The following CHMP6 variants were observed in gnomAD, a reference collection of about 807,000 sequenced individuals.
The protein encoded by CHMP6 is charged multivesicular body protein 6.
A neutral mutation model predicts 32.8 loss-of-function variants in CHMP6; 10 were observed. That is an observed-to-expected ratio of 0.30 (90% CI 0.19 to 0.52). CHMP6 has a LOEUF of 0.52. Ranked by LOEUF, CHMP6 falls within the 20% of genes least tolerant of loss-of-function variation. CHMP6 has a pLI of 0.97. For missense variants in CHMP6, 269 were observed against 263.8 expected (o/e 1.02, Z -0.14); for synonymous variants, 123 against 105.8 (o/e 1.16, Z -1.00).
chr17:80,995,798 G>C, intron 4 of CHMP6, 40 bp downstream of exon 4: 1 of 1,581,960 alleles, frequency 6.3e-7, no homozygotes, highest in Non-Finnish European at 8.7e-7. Context: ...GGTGTGGGGA[G>C]CCCATTGGGC....
chr17:80,998,029 C>T (rs1312309251), intron 6 of CHMP6, among the ~76,000 whole-genome samples: 1 of 152,236 alleles, frequency 6.6e-6, no homozygotes, highest in African/African-American at 2.4e-5. Context: ...TGGTGGACAC[C>T]AGCGTGACCT....
chr17:80,992,102 C>T (rs2069597295), intron 1 of CHMP6, 121 bp downstream of exon 1: 3 of 607,152 alleles, frequency 4.9e-6, no homozygotes, highest in Non-Finnish European at 7.0e-6. Flanking sequence ...GAAACTGAGG[C>T]GCAGCGCGCA....
chr17:80,998,245 T>C (rs527781286), intron 6 of CHMP6, 121 bp from the exon 7 acceptor site: 1 of 1,168,378 alleles, frequency 8.6e-7, no homozygotes, highest in East Asian at 2.4e-5. Context: ...AGCACGTTCC[T>C]GTCCGCTTTA....
At chr17:80,996,698 T>C (rs2069640147) in intron 4 of CHMP6, among the ~76,000 whole-genome samples, 2 of 152,198 alleles carry the variant, frequency 1.3e-5, no homozygotes, top group Admixed American at 1.3e-4. Context: ...GGCAGTGCAG[T>C]CGTGGCCTCT....
rs544050920 is a variant in CHMP6 at position 80,999,178 on chromosome 17, C to T, written c.*25C>T. The T allele has an allele frequency of 2.0e-5, 33 of 1,613,470 alleles. No individual in the cohort carries two copies. The highest frequency in any genetic ancestry group is 3.3e-5 in the South Asian group (3 of 91,062). On this transcript the variant is annotated 3_prime_UTR_variant, in exon 8 of 8. Transcript: ENST00000325167. Reference sequence around the variant, plus strand: ...ACGTGGCCTCGTCTTGTGGGACTCACGGGGATGCCCCAGGGACTGTGGCCC... The same window carrying T: ...ACGTGGCCTCGTCTTGTGGGACTCATGGGGATGCCCCAGGGACTGTGGCCC...
chr17:80,994,214 G>T (rs548135645), intron 1 of CHMP6, among the ~76,000 whole-genome samples: 1 of 152,160 alleles, frequency 6.6e-6, no homozygotes, highest in Non-Finnish European at 1.5e-5. Context: ...GCGCCCAGCC[G>T]AGTCCAAACC....
Position 80,997,356 on chromosome 17 carries a change from G to T in CHMP6, c.495+15G>T. The T allele has an allele frequency of 6.7e-7, 1 of 1,485,270 alleles. No individual in the cohort carries two copies. Among genetic ancestry groups the T allele is most frequent in the Non-Finnish European group, 9.3e-7 (1 of 1,071,620 alleles). The allele number at this position is 1,485,270 out of a possible 1,614,324, so 92.0% of individuals were successfully genotyped here. A position where few individuals can be genotyped will look rare whatever the true frequency, so the allele number is the denominator to read the frequency against. ...CAATCACTCAGGTAACGGCCCCCCC[G>T]GGACTGAGCACAGTCACTCAGGCAG... On this transcript the variant is annotated intron_variant, in intron 6 of 7. Coordinates refer to ENST00000325167, the MANE Select transcript of CHMP6 (RefSeq NM_024591.5).
Position 80,998,676 on chromosome 17 carries a change from A to G in CHMP6, c.550+256A>G, listed in dbSNP as rs963733652. ...ACATTCAGAAATCAGAACTGGGGAAAGGCTTCTTTAGCAGCACCAGCTCAT... is the reference window on the plus strand; with the variant it reads ...ACATTCAGAAATCAGAACTGGGGAAGGGCTTCTTTAGCAGCACCAGCTCAT... On this transcript the variant is annotated intron_variant, in intron 7 of 7. Coordinates refer to ENST00000325167, the MANE Select transcript of CHMP6 (RefSeq NM_024591.5). The G allele has an allele frequency of 1.0e-5, 14 of 1,397,446 alleles. No homozygotes were observed. The African/African-American group carries it at 1.6e-4, about 16-fold the overall frequency. The allele number at this position is 1,397,446 out of a possible 1,614,324, so 86.6% of individuals were successfully genotyped here. A position where few individuals can be genotyped will look rare whatever the true frequency, so the allele number is the denominator to read the frequency against.
Position 80,998,400 on chromosome 17 carries a change from C to A in CHMP6, c.530C>A (p.Pro177His), listed in dbSNP as rs2069657341. Reference protein sequence around the residue: ...QIELPEVPSEPLPEKIPENVP... With the variant: ...QIELPEVPSEHLPEKIPENVP... ...GAGCTGCCAGAGGTTCCCTCCGAGC[C>A]CCTTCCTGAGAAGATCCCAGGTATT... The change falls in exon 7 of 8, where the codon CCC becomes CAC. Residue 177 changes from proline (P) to histidine (H), a missense_variant. Pro to His is a moderately conservative substitution (Grantham distance 77). Coordinates refer to ENST00000325167, the MANE Select transcript of CHMP6 (RefSeq NM_024591.5). The A allele has an allele frequency of 1.9e-6, 3 of 1,614,214 alleles. No individual in the cohort carries two copies. Among genetic ancestry groups the A allele is most frequent in the Non-Finnish European group, 2.5e-6 (3 of 1,180,030 alleles).
At chr17:80,995,563 G>T in intron 3 of CHMP6, 109 bp from the exon 4 acceptor site, 1 of 876,820 alleles carries the variant, frequency 1.1e-6, no homozygotes, top group Non-Finnish European at 1.9e-6. Flanking sequence ...TCACCCTCAC[G>T]CCCAGCAGCA....
chr17:80,995,502 C>T (rs1016728030), intron 3 of CHMP6, among the ~76,000 whole-genome samples, 170 bp from the exon 4 acceptor site: 5 of 152,138 alleles, frequency 3.3e-5, no homozygotes, highest in African/African-American at 9.7e-5. Flanking sequence ...CTCAGTCCTG[C>T]GCATCCCCAC....
intron 1 of CHMP6, among the ~76,000 whole-genome samples, chr17:80,992,473 C>G (rs2069601410): frequency 6.6e-6 from 1 of 152,220 alleles, no homozygotes; most frequent in Admixed American, 6.5e-5. Flanking sequence ...CGCGAGGCAG[C>G]GCGGGGCATC....
In CHMP6 at chr17:80,991,888, G is replaced by A. The variant is rs766706473; in HGVS notation, c.-31G>A. 14 of 1,407,508 alleles carry A rather than the reference G, an allele frequency of 9.9e-6. No homozygotes were observed. In the South Asian group the frequency reaches 1.9e-4, roughly 19 times the overall value. The allele number at this position is 1,407,508 out of a possible 1,614,324, so 87.2% of individuals were successfully genotyped here. The stretch of plus-strand genomic sequence containing the variant: ...CGGGGCGGCGGTGGCGATTGGACTT[G>A]GTGGGTCCCGGGCCAGGGGCGGGCG... On this transcript the variant is annotated 5_prime_UTR_variant, in exon 1 of 8. Transcript: ENST00000325167.
rs771963338 is a variant in CHMP6, at chr17:80,998,545, T to C, written c.550+125T>C. The C allele has an allele frequency of 8.3e-6, 13 of 1,575,584 alleles. No individual in the cohort carries two copies. In the South Asian group the frequency reaches 1.0e-4, roughly 13 times the overall value. ...GTGGGCAAGCCCTGCTGCCTGGCTG[T>C]TTGGCTTGGGGGCGTGCGTGCCTGG... On this transcript the variant is annotated intron_variant, in intron 7 of 7. Coordinates refer to ENST00000325167, the MANE Select transcript of CHMP6 (RefSeq NM_024591.5).
rs1396190881 is a variant in CHMP6 at position 80,992,905 on chromosome 17, A to G, written c.63+924A>G. The stretch of plus-strand genomic sequence containing the variant: ...TAATTTTATACTAAAAGAGAAGCGA[A>G]TGTAAATGAAAGAGGGAATCTTACG... On this transcript the variant is annotated intron_variant, in intron 1 of 7. Coordinates refer to ENST00000325167, the MANE Select transcript of CHMP6 (RefSeq NM_024591.5). Among the ~76,000 whole-genome samples the G allele has an allele frequency of 2.6e-5, 4 of 152,248 alleles. No individual in the cohort carries two copies. In the East Asian group the frequency reaches 7.7e-4, roughly 29 times the overall value.
intron 1 of CHMP6, 64 bp downstream of exon 1, chr17:80,992,045 C>A: frequency 8.3e-7 from 1 of 1,205,886 alleles, no homozygotes; most frequent in Non-Finnish European, 1.1e-6. Context: ...GGGCGGGCGG[C>A]GGGGCCGGAA....
intron 1 of CHMP6, among the ~76,000 whole-genome samples, chr17:80,993,770 C>T (rs1315750417): frequency 6.6e-6 from 1 of 152,192 alleles, no homozygotes; most frequent in Admixed American, 6.5e-5. Flanking sequence ...GTCCCTGCAG[C>T]CGGATGGTTG....
At chr17:80,992,161 C>G (rs2069597855) in intron 1 of CHMP6, among the ~76,000 whole-genome samples, 180 bp downstream of exon 1, 1 of 151,416 alleles carries the variant, frequency 6.6e-6, no homozygotes, top group African/African-American at 2.4e-5. Flanking sequence ...GCCCGCGGGG[C>G]CTCGGGCCGG....
At position 80,999,380 on chromosome 17, in the gene CHMP6, C is replaced by T. The variant is rs777255867; in HGVS notation, c.*227C>T. ...CTGGCCTGCTCTCAGTCCGGATTAA[C>T]TCTCGACCGAGCCCAGCTTCTGCCG... On this transcript the variant is annotated 3_prime_UTR_variant, in exon 8 of 8. Coordinates refer to ENST00000325167, the MANE Select transcript of CHMP6 (RefSeq NM_024591.5). The T allele has an allele frequency of 1.9e-6, 1 of 523,696 alleles. No homozygotes were observed. Among genetic ancestry groups the T allele is most frequent in the South Asian group, 2.2e-5 (1 of 45,824 alleles). The allele number at this position is 523,696 out of a possible 1,614,324, so 32.4% of individuals were successfully genotyped here. A position where few individuals can be genotyped will look rare whatever the true frequency, so the allele number is the denominator to read the frequency against.
Sources: allele counts gnomAD v4.1 joint callset (sites outside exome capture counted in the v4.1 genomes callset), GRCh38; gene constraint gnomAD v4.1.1; transcripts MANE v1.5; gene names NCBI Gene and HGNC (gene_info 2026-07-23, HGNC 2026-07-21).